The following ZDHHC11 variants were observed in gnomAD, a reference collection of about 807,000 sequenced individuals.
The protein encoded by ZDHHC11 is zDHHC palmitoyltransferase 11, also known as palmitoyltransferase ZDHHC11.
Under a neutral mutation model 51.3 loss-of-function variants are expected in ZDHHC11, and 44 were observed. That is an observed-to-expected ratio of 0.86 (90% CI 0.67 to 1.10). The LOEUF (loss-of-function observed/expected upper bound fraction) is 1.10, where lower values mean the gene tolerates loss of function less well. Among genes scored for constraint, ZDHHC11 ranks in the 50% least tolerant of loss-of-function variants. ZDHHC11 has a pLI of 0.00. For missense variants in ZDHHC11, 400 were observed against 537.7 expected, an observed-to-expected ratio of 0.74 and a Z score of 2.53; for synonymous variants, 163 against 222.0, an observed-to-expected ratio of 0.73 and a Z score of 2.36.
chr5:800,063 A>G (rs381287), intron 12 of ZDHHC11, among the ~76,000 whole-genome samples: 1 of 151,364 alleles, frequency 6.6e-6, no homozygotes, highest in African/African-American at 2.4e-5. Flanking sequence ...TTCACAGGAT[A>G]TACACAGAAC....
intron 11 of ZDHHC11, among the ~76,000 whole-genome samples, chr5:808,978 A>G (rs1406839485): frequency 2.1e-5 from 2 of 94,220 alleles, no homozygotes; most frequent in Non-Finnish European, 4.4e-5. Flanking sequence ...TCTTTTGACC[A>G]TCAGTTACAC....
At chr5:828,248 TG>T (rs1460909482) in intron 7 of ZDHHC11, among the ~76,000 whole-genome samples, 2 of 151,436 alleles carry the variant, frequency 1.3e-5, no homozygotes, top group African/African-American at 4.9e-5. Flanking sequence ...AGTGAGCTGT[TG>T]GGTACACCTT....
rs377583510 is a variant in ZDHHC11, at chr5:801,090, C to T, written c.*7+10G>A. The T allele has an allele frequency of 1.1e-5, 17 of 1,609,754 alleles. No homozygotes were observed. The highest frequency in any genetic ancestry group is 7.7e-5 in the South Asian group (7 of 90,932). On this transcript the variant is annotated intron_variant, in intron 12 of 12. Coordinates refer to ENST00000283441, the MANE Select transcript of ZDHHC11 (RefSeq NM_024786.3). The stretch of plus-strand genomic sequence containing the variant: ...GATTTCAACATGACCCGCACTGCCA[C>T]GTATCTTACCTGAATCTCAGTCTTC...
chr5:807,899 C>A (rs1285938307), intron 11 of ZDHHC11, among the ~76,000 whole-genome samples: 1 of 150,484 alleles, frequency 6.6e-6, no homozygotes, highest in Non-Finnish European at 1.5e-5. Context: ...TGAGAGAGGT[C>A]AGCCTGGGAT....
chr5:807,195 T>A (rs1739384696), intron 11 of ZDHHC11, among the ~76,000 whole-genome samples: 1 of 149,726 alleles, frequency 6.7e-6, no homozygotes, highest in Non-Finnish European at 1.5e-5. Flanking sequence ...TAGTACCAAG[T>A]GAAAAAGGTG....
chr5:825,658 G>A (rs1474345321), intron 7 of ZDHHC11, among the ~76,000 whole-genome samples: 1 of 151,054 alleles, frequency 6.6e-6, no homozygotes, highest in Non-Finnish European at 1.5e-5. Context: ...AACCACCACA[G>A]CAGCATACCA....
At chr5:823,046 T>C (rs1017894843) in intron 8 of ZDHHC11, among the ~76,000 whole-genome samples, 4 of 149,880 alleles carry the variant, frequency 2.7e-5, no homozygotes, top group Admixed American at 6.7e-5. Flanking sequence ...GATGAAAGCA[T>C]ATGACTTGTA....
chr5:822,135 C>T (rs1243865755), intron 8 of ZDHHC11, among the ~76,000 whole-genome samples: 1 of 151,318 alleles, frequency 6.6e-6, no homozygotes, highest in Non-Finnish European at 1.5e-5. Flanking sequence ...ACACCCAGTA[C>T]CTCAGAATGT....
At chr5:848,902 C>T (rs966632163) in intron 1 of ZDHHC11, among the ~76,000 whole-genome samples, 1 of 151,270 alleles carries the variant, frequency 6.6e-6, no homozygotes, top group African/African-American at 2.4e-5. Context: ...TGGGCCTGCA[C>T]ACCCAGCCCT....
upstream of ZDHHC11, among the ~76,000 whole-genome samples, chr5:855,305 G>A (rs151162909): frequency 7.2e-6 from 1 of 139,440 alleles, no homozygotes; most frequent in Non-Finnish European, 1.5e-5. Context: ...ACAGAGGACA[G>A]CGAGCCAGGG....
intron 6 of ZDHHC11, among the ~76,000 whole-genome samples, chr5:836,195 T>C (rs2150375079): frequency 6.7e-6 from 1 of 150,262 alleles, no homozygotes; most frequent in East Asian, 1.9e-4. Flanking sequence ...CTATCATTCC[T>C]AGGTCACTGA....
chr5:857,947 G>A (rs560673455), intron 1 of ZDHHC11, among the ~76,000 whole-genome samples: 3 of 142,264 alleles, frequency 2.1e-5, no homozygotes, highest in East Asian at 4.5e-4. Flanking sequence ...ATGACACCAG[G>A]CCCCTAGAGT....
intron 1 of ZDHHC11, 180 bp downstream of exon 1, chr5:850,201 A>C: frequency 1.5e-6 from 1 of 684,874 alleles, no homozygotes; most frequent in Non-Finnish European, 2.4e-6. Context: ...GACCCTAAGC[A>C]GGGGCTGCAC....
chr5:830,276 T>C (rs1347658330), intron 7 of ZDHHC11, among the ~76,000 whole-genome samples: 1 of 44,490 alleles, frequency 2.2e-5, no homozygotes, highest in East Asian at 3.4e-4. Flanking sequence ...GATAAATGAA[T>C]TCAGTAAAGT....
At chr5:802,744 T>A (rs1738613727) in intron 11 of ZDHHC11, among the ~76,000 whole-genome samples, 1 of 138,914 alleles carries the variant, frequency 7.2e-6, no homozygotes, top group South Asian at 2.3e-4. Flanking sequence ...GAGACCGAGG[T>A]GGGTGGATCA....
At chr5:838,950 G>A (rs2150385875) in intron 5 of ZDHHC11, among the ~76,000 whole-genome samples, 1 of 146,946 alleles carries the variant, frequency 6.8e-6, no homozygotes, top group South Asian at 2.2e-4. Context: ...TTGTATTACT[G>A]GGCAGTTTGA....
At chr5:834,895 G>C (rs1743616348) in intron 6 of ZDHHC11, among the ~76,000 whole-genome samples, 1 of 151,922 alleles carries the variant, frequency 6.6e-6, no homozygotes, top group Non-Finnish European at 1.5e-5. Flanking sequence ...AAATTCATGT[G>C]ACTTGTTTTA....
At chr5:804,370 A>G (rs1185431417) in intron 11 of ZDHHC11, among the ~76,000 whole-genome samples, 1 of 151,312 alleles carries the variant, frequency 6.6e-6, no homozygotes, top group East Asian at 1.9e-4. Context: ...ACAGTTTCAG[A>G]TACTTACTGA....
At chr5:833,265 AC>A in intron 7 of ZDHHC11, among the ~76,000 whole-genome samples, 1 of 152,222 alleles carries the variant, frequency 6.6e-6, no homozygotes. Context: ...ACCGCACTGC[AC>A]AGCACTAGCT....
Sources: allele counts gnomAD v4.1 joint callset (sites outside exome capture counted in the v4.1 genomes callset), GRCh38; gene constraint gnomAD v4.1.1; transcripts MANE v1.5; gene names NCBI Gene and HGNC (gene_info 2026-07-23, HGNC 2026-07-21).